FIRRM: variants seen among roughly 807,000 people sequenced by gnomAD.
FIRRM encodes the protein FIGNL1-interacting regulator of recombination and mitosis.
the FIRRM span, among the ~76,000 whole-genome samples, chr1:169,787,481 C>T: frequency 6.6e-6 from 1 of 152,116 alleles, no homozygotes; most frequent in Admixed American, 6.5e-5. Flanking sequence ...AGATTAGAAT[C>T]CTCCTTACCC....
chr1:169,831,714 A>G, the FIRRM span, among the ~76,000 whole-genome samples: 1 of 152,184 alleles, frequency 6.6e-6, no homozygotes, highest in Non-Finnish European at 1.5e-5. Flanking sequence ...CTATATTATG[A>G]TAGGAATTGA....
the FIRRM span, among the ~76,000 whole-genome samples, chr1:169,810,446 T>C: frequency 0.019 from 2,867 of 152,122 alleles, 94 homozygotes; most frequent in African/African-American, 0.065. Context: ...AGGGCCATGT[T>C]CTCTGGAAGG....
chr1:169,811,016 C>T, the FIRRM span, among the ~76,000 whole-genome samples: 17 of 151,358 alleles, frequency 1.1e-4, no homozygotes, highest in Admixed American at 2.6e-4. Flanking sequence ...CCTGCCACCG[C>T]GCCCGGCTAA....
At chr1:169,785,308 G>A in the FIRRM span, among the ~76,000 whole-genome samples, 115,279 of 152,190 alleles carry the variant, frequency 0.76, 44,298 homozygotes, top group Middle Eastern at 0.9. Context: ...AAGCCCAAGT[G>A]GGCATGTGTT....
At chr1:169,818,675 G>T in the FIRRM span, among the ~76,000 whole-genome samples, 1 of 152,030 alleles carries the variant, frequency 6.6e-6, no homozygotes, top group South Asian at 2.1e-4. Context: ...TTTTTCATTT[G>T]CCAGTTTTAT....
chr1:169,834,913 A>G, the FIRRM span, among the ~76,000 whole-genome samples: 1 of 152,152 alleles, frequency 6.6e-6, no homozygotes, highest in Non-Finnish European at 1.5e-5. Flanking sequence ...GCACAAATCA[A>G]ATGTTGTTGG....
the FIRRM span, chr1:169,850,523 C>G: frequency 1.9e-6 from 1 of 521,052 alleles, no homozygotes; most frequent in Non-Finnish European, 3.4e-6. Context: ...TGGGGCCAGG[C>G]GCGGCGGCTC....
the FIRRM span, among the ~76,000 whole-genome samples, chr1:169,819,276 A>G: frequency 7.2e-5 from 11 of 152,210 alleles, no homozygotes; most frequent in Non-Finnish European, 7.3e-5. Context: ...GTATCTCTCA[A>G]TGGGGGTTGA....
the FIRRM span, chr1:169,853,640 GCC>G: frequency 6.5e-7 from 1 of 1,531,544 alleles, no homozygotes; most frequent in Non-Finnish European, 9.0e-7. Flanking sequence ...TTGTCCCAAA[GCC>G]TGCTTTTGAG....
the FIRRM span, chr1:169,796,005 C>A: frequency 2.0e-6 from 2 of 975,700 alleles, no homozygotes; most frequent in Non-Finnish European, 2.4e-6. Flanking sequence ...GTATATGTAT[C>A]TTTTTCACAA....
At chr1:169,842,390 A>G in the FIRRM span, 1 of 1,604,078 alleles carries the variant, frequency 6.2e-7, no homozygotes, top group South Asian at 1.1e-5. Context: ...GTTTAAACTC[A>G]AGTCCTTTCC....
At chr1:169,815,997 G>C in the FIRRM span, among the ~76,000 whole-genome samples, 3 of 152,102 alleles carry the variant, frequency 2.0e-5, no homozygotes, top group Non-Finnish European at 4.4e-5. Context: ...AGTATGATGA[G>C]GGCCATTCAT....
At chr1:169,831,013 A>T in the FIRRM span, among the ~76,000 whole-genome samples, 10,094 of 152,286 alleles carry the variant, frequency 0.066, 431 homozygotes, top group Non-Finnish European at 0.099. Context: ...GGTTAATTGA[A>T]ATTACATTTA....
chr1:169,809,563 A>T, the FIRRM span, among the ~76,000 whole-genome samples: 1 of 152,132 alleles, frequency 6.6e-6, no homozygotes, highest in Non-Finnish European at 1.5e-5. Flanking sequence ...TAGTGGCAAG[A>T]GAGAGTATGG....
At chr1:169,816,720 G>A in the FIRRM span, among the ~76,000 whole-genome samples, 1 of 152,162 alleles carries the variant, frequency 6.6e-6, no homozygotes. Context: ...ATTTACCACA[G>A]GTAAGGAACC....
chr1:169,789,222 C>A, the FIRRM span, among the ~76,000 whole-genome samples: 1 of 152,214 alleles, frequency 6.6e-6, no homozygotes, highest in Non-Finnish European at 1.5e-5. Flanking sequence ...GGCAAAGACT[C>A]AAGTTCATGG....
chr1:169,783,954 T>C, the FIRRM span: 1 of 152,252 alleles, frequency 6.6e-6, no homozygotes, highest in Admixed American at 6.5e-5. Context: ...TCCAGCTAAC[T>C]TTTTAATTCT....
chr1:169,812,399 G>A, the FIRRM span, among the ~76,000 whole-genome samples: 5 of 152,210 alleles, frequency 3.3e-5, no homozygotes, highest in African/African-American at 1.2e-4. Context: ...TTGGAGGACT[G>A]GGTATTGGCT....
the FIRRM span, among the ~76,000 whole-genome samples, chr1:169,846,879 A>G: frequency 6.6e-6 from 1 of 152,190 alleles, no homozygotes; most frequent in Non-Finnish European, 1.5e-5. Context: ...AAAGAGGCCT[A>G]GCTTTTCACC....
Sources: gnomAD v4.1 joint callset for allele counts (sites outside exome capture counted in the v4.1 genomes callset) on GRCh38, gnomAD v4.1.1 for gene constraint, MANE v1.5 for transcripts, NCBI Gene and HGNC (gene_info 2026-07-23, HGNC 2026-07-21) for gene names.